The following MEI4 variants were observed in gnomAD, a reference collection of about 807,000 sequenced individuals.
MEI4 encodes the protein meiotic double-stranded break formation protein 4, also known as meiosis-specific protein MEI4.
MEI4 carries 27 observed loss-of-function variants against 31.4 expected under a neutral mutation model. The ratio of observed to expected loss-of-function variants is 0.86; its 90% CI spans 0.63 to 1.19. The LOEUF is 1.19. MEI4 is among the 50% of genes most tolerant of loss of function. The probability of loss-of-function intolerance (pLI) is 0.00; values close to 1 mark genes in which losing one functional copy is unlikely to be tolerated. For synonymous variants in MEI4, 122 were observed against 145.4 expected (o/e 0.84, Z 1.16); for missense variants, 329 against 398.9 (o/e 0.82, Z 1.49).
At chr6:77,831,445 C>A (rs955034459) in intron 4 of MEI4, among the ~76,000 whole-genome samples, 26 of 151,486 alleles carry the variant, frequency 1.7e-4, no homozygotes, top group African/African-American at 6.3e-4. Flanking sequence ...CACATGCTCA[C>A]AGTAGCCGAG....
chr6:77,674,847 CTA>C (rs955504482), intron 1 of MEI4, among the ~76,000 whole-genome samples: 5 of 152,176 alleles, frequency 3.3e-5, no homozygotes, highest in South Asian at 2.1e-4. Context: ...ATATACCACT[CTA>C]TACATTTCTT....
At chr6:77,761,000 A>G (rs1037482439) in intron 2 of MEI4, 130 bp from the exon 3 acceptor site, 9 of 606,168 alleles carry the variant, frequency 1.5e-5, no homozygotes, top group African/African-American at 9.5e-5. Flanking sequence ...TTTTTACACT[A>G]CTGCTTGTTA....
At chr6:77,846,831 C>A (rs570613497) in intron 4 of MEI4, among the ~76,000 whole-genome samples, 28 of 152,228 alleles carry the variant, frequency 1.8e-4, no homozygotes, top group Middle Eastern at 3.4e-3. Context: ...AGTTCAAGGG[C>A]CTTTGTTACA....
intron 4 of MEI4, among the ~76,000 whole-genome samples, chr6:77,856,061 G>A (rs575740655): frequency 2.0e-5 from 3 of 151,850 alleles, no homozygotes; most frequent in Admixed American, 6.6e-5. Flanking sequence ...AAATCAGTTC[G>A]ACAATTTCCA....
intron 4 of MEI4, among the ~76,000 whole-genome samples, chr6:77,903,795 T>C (rs1212200858): frequency 6.6e-6 from 1 of 152,176 alleles, no homozygotes; most frequent in East Asian, 1.9e-4. Context: ...GATTATCATA[T>C]GGCTTTTATT....
chr6:77,735,707 G>A (rs1369824362), intron 2 of MEI4, among the ~76,000 whole-genome samples: 3 of 152,028 alleles, frequency 2.0e-5, no homozygotes, highest in Non-Finnish European at 4.4e-5. Context: ...GAGGAGAGGT[G>A]CTCTGATTTT....
At chr6:77,912,110 A>T (rs1018035500) in intron 4 of MEI4, among the ~76,000 whole-genome samples, 2 of 151,938 alleles carry the variant, frequency 1.3e-5, no homozygotes, top group Admixed American at 1.3e-4. Flanking sequence ...GATGTTCTTG[A>T]TATCATTGTT....
At position 77,761,454 on chromosome 6, in the gene MEI4, C is replaced by G. The variant is rs1768042731; in HGVS notation, c.557C>G (p.Ser186Cys). ...FEKDSSTVSD[S>C]VFQLLDGLIT... ...AAAGACTCTTCCACAGTCTCTGATTCTGTTTTTCAATTGCTGGATGGCCTG... is the reference window on the plus strand; with the variant it reads ...AAAGACTCTTCCACAGTCTCTGATTGTGTTTTTCAATTGCTGGATGGCCTG... The change falls in exon 3 of 5, where the codon TCT becomes TGT. Residue 186 changes from serine to cysteine, a missense_variant. Ser to Cys is a moderately radical substitution (Grantham distance 112). Coordinates refer to ENST00000684080, the MANE Select transcript of MEI4 (RefSeq NM_001322247.2). 1 of 1,232,010 alleles carries G rather than the reference C, an allele frequency of 8.1e-7. No homozygotes were observed. The highest frequency in any genetic ancestry group is 1.0e-6 in the Non-Finnish European group (1 of 987,928). 76.3% of individuals were successfully genotyped at this position (1,232,010 alleles called of 1,614,324 possible).
intron 4 of MEI4, among the ~76,000 whole-genome samples, chr6:77,903,677 T>C (rs1255063435): frequency 6.6e-6 from 1 of 152,144 alleles, no homozygotes. Context: ...GGACTTGTCA[T>C]ATATAGCTTT....
chr6:77,810,963 A>T (rs1054641241), intron 3 of MEI4, among the ~76,000 whole-genome samples: 9 of 152,312 alleles, frequency 5.9e-5, no homozygotes, highest in African/African-American at 2.2e-4. Flanking sequence ...ACCTTAAATC[A>T]GAACTGCTTA....
intron 2 of MEI4, among the ~76,000 whole-genome samples, chr6:77,741,601 C>T (rs142020912): frequency 1.4e-3 from 209 of 152,148 alleles, no homozygotes; most frequent in African/African-American, 4.4e-3. Context: ...GATCCAACAT[C>T]ATTCTGTGTG....
chr6:77,800,215 C>A (rs1769210695), intron 3 of MEI4, among the ~76,000 whole-genome samples: 1 of 151,886 alleles, frequency 6.6e-6, no homozygotes, highest in Non-Finnish European at 1.5e-5. Flanking sequence ...TTTCACATAC[C>A]TTGTAAGTTG....
At chr6:77,789,189 A>G (rs1281779109) in intron 3 of MEI4, among the ~76,000 whole-genome samples, 1 of 152,202 alleles carries the variant, frequency 6.6e-6, no homozygotes, top group Admixed American at 6.5e-5. Context: ...TGCTGGGAAA[A>G]CTGACTAGCC....
At chr6:77,707,820 TAG>T (rs1161220215) in intron 2 of MEI4, among the ~76,000 whole-genome samples, 1 of 152,330 alleles carries the variant, frequency 6.6e-6, no homozygotes, top group East Asian at 1.9e-4. Flanking sequence ...GCTGCTGCTC[TAG>T]AGGGCGCAAG....
chr6:77,835,450 A>C (rs1422698339), intron 4 of MEI4, among the ~76,000 whole-genome samples: 2 of 151,730 alleles, frequency 1.3e-5, no homozygotes, highest in African/African-American at 4.8e-5. Context: ...AAAACAGAAA[A>C]AAAGGAAAAA....
chr6:77,911,513 C>T (rs1766434415), intron 4 of MEI4, among the ~76,000 whole-genome samples: 1 of 151,784 alleles, frequency 6.6e-6, no homozygotes, highest in Non-Finnish European at 1.5e-5. Context: ...TCTTGCTGTT[C>T]ATGTGTACTC....
At chr6:77,796,878 G>T (rs1229479212) in intron 3 of MEI4, among the ~76,000 whole-genome samples, 2 of 152,162 alleles carry the variant, frequency 1.3e-5, no homozygotes, top group Non-Finnish European at 2.9e-5. Context: ...CCAAGTAGCA[G>T]AAGCAATCTT....
At chr6:77,740,888 C>A (rs1287640733) in intron 2 of MEI4, among the ~76,000 whole-genome samples, 2 of 151,854 alleles carry the variant, frequency 1.3e-5, no homozygotes, top group African/African-American at 2.4e-5. Context: ...CAGAAATACC[C>A]ACAAAATAAA....
At chr6:77,719,059 G>T (rs965005201) in intron 2 of MEI4, among the ~76,000 whole-genome samples, 1 of 134,396 alleles carries the variant, frequency 7.4e-6, no homozygotes, top group Non-Finnish European at 1.6e-5. Context: ...GCTTATGTTT[G>T]TCTAAACTTT....
Sources: allele counts gnomAD v4.1 joint callset (sites outside exome capture counted in the v4.1 genomes callset), GRCh38; gene constraint gnomAD v4.1.1; transcripts MANE v1.5; gene names NCBI Gene and HGNC (gene_info 2026-07-23, HGNC 2026-07-21).